Variants in ADAMTSL3 observed in about 807,000 individuals in gnomAD.
The protein encoded by ADAMTSL3 is ADAMTS-like protein 3.
A neutral mutation model predicts 201.7 loss-of-function variants in ADAMTSL3; 128 were observed. The observed-to-expected ratio is 0.63, with a 90% confidence interval of 0.55 to 0.73. The LOEUF (loss-of-function observed/expected upper bound fraction) is 0.73, where lower values mean the gene tolerates loss of function less well. ADAMTSL3 is among the 30% of genes least tolerant of loss of function. ADAMTSL3 has a pLI of 0.00. For missense variants in ADAMTSL3, 1,990 were observed against 2,119.6 expected, an observed-to-expected ratio of 0.94 and a Z score of 1.20; for synonymous variants, 738 against 748.4, an observed-to-expected ratio of 0.99 and a Z score of 0.23.
chr15:83,801,661 T>TAA (rs1283134635), intron 4 of ADAMTSL3, among the ~76,000 whole-genome samples: 691 of 56,306 alleles, frequency 0.012, 12 homozygotes, highest in African/African-American at 0.047. Flanking sequence ...AATATATATA[T>TAA]ATATATATAT....
At chr15:83,859,149 G>A (rs1395269944) in intron 8 of ADAMTSL3, among the ~76,000 whole-genome samples, 4 of 152,232 alleles carry the variant, frequency 2.6e-5, no homozygotes, top group Non-Finnish European at 4.4e-5. Flanking sequence ...CAGGGAGATA[G>A]AAGTTACAGG....
intron 2 of ADAMTSL3, among the ~76,000 whole-genome samples, chr15:83,690,484 G>T (rs2061595992): frequency 6.6e-6 from 1 of 152,116 alleles, no homozygotes; most frequent in African/African-American, 2.4e-5. Flanking sequence ...TAGAAGATCT[G>T]TTCCTCTGTC....
intron 20 of ADAMTSL3, among the ~76,000 whole-genome samples, chr15:83,973,524 T>C (rs2067231189): frequency 6.6e-6 from 1 of 152,178 alleles, no homozygotes; most frequent in Non-Finnish European, 1.5e-5. Flanking sequence ...AAGAAAATAA[T>C]ATCACCGTGC....
At chr15:83,958,615 A>G (rs577763397) in intron 19 of ADAMTSL3, among the ~76,000 whole-genome samples, 12 of 152,246 alleles carry the variant, frequency 7.9e-5, no homozygotes, top group Non-Finnish European at 1.3e-4. Flanking sequence ...CAAACCTCCA[A>G]AAAGATACAG....
At chr15:83,660,248 T>C (rs1489084284) in intron 2 of ADAMTSL3, among the ~76,000 whole-genome samples, 1 of 152,192 alleles carries the variant, frequency 6.6e-6, no homozygotes, top group Non-Finnish European at 1.5e-5. Context: ...ATTCACCTTC[T>C]ACAGCAATCT....
chr15:84,011,013 A>G (rs929259563), intron 23 of ADAMTSL3, among the ~76,000 whole-genome samples: 1 of 152,162 alleles, frequency 6.6e-6, no homozygotes, highest in Non-Finnish European at 1.5e-5. Context: ...GTTTTGATGC[A>G]TGGGCCCACT....
At chr15:83,788,843 C>G (rs1596210719) in intron 4 of ADAMTSL3, among the ~76,000 whole-genome samples, 4 of 152,080 alleles carry the variant, frequency 2.6e-5, no homozygotes, top group Admixed American at 2.6e-4. Context: ...GAGTCTTGCT[C>G]TTGTCACCCA....
chr15:83,810,024 A>G (rs1388475261), intron 5 of ADAMTSL3, among the ~76,000 whole-genome samples: 3 of 152,122 alleles, frequency 2.0e-5, no homozygotes, highest in Non-Finnish European at 2.9e-5. Context: ...AGCTCAAGCC[A>G]TATTTGCAGT....
chr15:83,790,746 G>C (rs546207482), intron 4 of ADAMTSL3, among the ~76,000 whole-genome samples: 1 of 152,218 alleles, frequency 6.6e-6, no homozygotes, highest in East Asian at 1.9e-4. Context: ...TTTTGTCTAC[G>C]TAGAAAATCC....
chr15:83,670,521 G>A (rs914789897), intron 2 of ADAMTSL3, among the ~76,000 whole-genome samples: 4 of 151,970 alleles, frequency 2.6e-5, no homozygotes, highest in Non-Finnish European at 2.9e-5. Flanking sequence ...GCACACGTAT[G>A]TTTTTCATAA....
chr15:84,024,577 A>G (rs2068267763), intron 26 of ADAMTSL3, among the ~76,000 whole-genome samples: 1 of 152,218 alleles, frequency 6.6e-6, no homozygotes, highest in Non-Finnish European at 1.5e-5. Context: ...CATGGACATC[A>G]TGTTAGAAAC....
At chr15:83,762,413 T>C (rs1419795672) in intron 3 of ADAMTSL3, among the ~76,000 whole-genome samples, 1 of 152,164 alleles carries the variant, frequency 6.6e-6, no homozygotes, top group Non-Finnish European at 1.5e-5. Context: ...TACCTGAGAC[T>C]GGGTAATTTG....
chr15:83,910,629 G>T (rs2065913144), intron 15 of ADAMTSL3, among the ~76,000 whole-genome samples: 2 of 131,238 alleles, frequency 1.5e-5, no homozygotes, highest in South Asian at 5.1e-4. Context: ...GGGAGTTTAG[G>T]TGAACCTTTT....
chr15:83,835,566 G>T (rs2064251569), intron 6 of ADAMTSL3, among the ~76,000 whole-genome samples: 1 of 152,174 alleles, frequency 6.6e-6, no homozygotes, highest in African/African-American at 2.4e-5. Context: ...TGACCAGATA[G>T]AGAGTGATTC....
intron 4 of ADAMTSL3, among the ~76,000 whole-genome samples, chr15:83,798,714 G>C (rs1401451721): frequency 6.6e-6 from 1 of 151,596 alleles, no homozygotes; most frequent in Non-Finnish European, 1.5e-5. Flanking sequence ...GGCTGAGGCA[G>C]GGGAATCGCT....
rs150831297 is a variant in ADAMTSL3, at chr15:83,716,188, TGA to T, written c.189+11682_189+11683del. On this transcript the variant is annotated intron_variant, in intron 3 of 29. Coordinates refer to ENST00000286744, the MANE Select transcript of ADAMTSL3 (RefSeq NM_207517.3). ...GAAATTCTAATTAAATTTTTATTTC[TGA>T]GTTTGCTTTAAGAAATAAAATAAAT... Among the ~76,000 whole-genome samples the T allele has an allele frequency of 8.4e-3, 1,279 of 152,302 alleles. 16 individuals carry two copies. The highest frequency in any genetic ancestry group is 0.027 in the African/African-American group (1,133 of 41,572).
chr15:83,726,463 T>C (rs2062176864), intron 3 of ADAMTSL3, among the ~76,000 whole-genome samples: 1 of 152,154 alleles, frequency 6.6e-6, no homozygotes, highest in Non-Finnish European at 1.5e-5. Flanking sequence ...AGCATCCTTG[T>C]CTTGTTGCTG....
intron 19 of ADAMTSL3, among the ~76,000 whole-genome samples, chr15:83,969,425 G>T (rs1044413324): frequency 6.6e-6 from 1 of 152,202 alleles, no homozygotes; most frequent in Non-Finnish European, 1.5e-5. Flanking sequence ...TCTAGCCTGG[G>T]TGACAGAGCA....
intron 27 of ADAMTSL3, among the ~76,000 whole-genome samples, chr15:84,026,502 T>G (rs2068310771): frequency 3.3e-5 from 5 of 152,152 alleles, no homozygotes; most frequent in Admixed American, 3.3e-4. Context: ...AAAACAATTT[T>G]GAAAAGGAAC....
Sources: allele counts gnomAD v4.1 joint callset (sites outside exome capture counted in the v4.1 genomes callset), GRCh38; gene constraint gnomAD v4.1.1; transcripts MANE v1.5; gene names NCBI Gene and HGNC (gene_info 2026-07-23, HGNC 2026-07-21).